Variants in DHX30 observed in about 807,000 individuals in gnomAD.
DHX30 encodes the protein DExH-box helicase 30.
In DHX30, 4 loss-of-function variants were observed where a neutral mutation model predicts 116.9. The observed-to-expected ratio is 0.03, with a 90% CI of 0.02 to 0.08. The LOEUF is 0.08. Among genes scored for constraint, DHX30 ranks in the 10% least tolerant of loss-of-function variants. DHX30 has a pLI of 1.00. For missense variants in DHX30, 871 were observed against 1,595.1 expected (o/e 0.55, Z 7.73); for synonymous variants, 697 against 651.7 (o/e 1.07, Z -1.06).
In DHX30 at chr3:47,847,645, G is replaced by A; in HGVS notation, c.2110+109G>A. 2.7e-6 allele frequency: 4 copies of A among 1,456,738 alleles called. No individual in the cohort carries two copies. The highest frequency in any genetic ancestry group is 3.7e-6 in the Non-Finnish European group (4 of 1,085,876). The allele number at this position is 1,456,738 out of a possible 1,614,324, so 90.2% of individuals were successfully genotyped here. A position where few individuals can be genotyped will look rare whatever the true frequency, so the allele number is the denominator to read the frequency against. ...GGGCCCCGGTTTCTGACCAAGCTGT[G>A]GCACTTTTCACTGGGCATAGTGTTT... On this transcript the variant is annotated intron_variant, in intron 13 of 21. Transcript: ENST00000445061. This position sits in a 1 kb window ranked among gnomAD's most constrained non-coding sequence, Gnocchi z 5.5.
chr3:47,845,297 C>T (rs1223952230), intron 9 of DHX30, among the ~76,000 whole-genome samples: 2 of 152,132 alleles, frequency 1.3e-5, no homozygotes, highest in African/African-American at 2.4e-5. Context: ...AGGCGATTCT[C>T]GTGCCTCAGC....
intron 5 of DHX30, 34 bp downstream of exon 5, chr3:47,827,511 A>G (rs1431251884): frequency 1.9e-6 from 3 of 1,597,962 alleles, no homozygotes; most frequent in Non-Finnish European, 1.7e-6. Context: ...AAACATTGGT[A>G]TGACTCAGAA....
Position 47,829,050 on chromosome 3 carries a change from C to T in DHX30, c.282C>T (p.Pro94=), listed in dbSNP as rs777031954. 1 of 1,610,034 alleles carries T rather than the reference C, an allele frequency of 6.2e-7. No homozygotes were observed. The highest frequency in any genetic ancestry group is 1.3e-5 in the African/African-American group (1 of 74,628). Residue 94 remains proline, a synonymous_variant, in exon 6 of 22, where the codon CCC becomes CCT. Coordinates refer to ENST00000445061, the MANE Select transcript of DHX30 (RefSeq NM_138615.3). The stretch of plus-strand genomic sequence containing the variant: ...AAGTCACACTGCACATAAAATGGCC[C>T]AAGAGCGTGGAGGTAGAAGGCTATG... ...KKKVTLHIKW[P]KSVEVEGYGS...
intron 3 of DHX30, among the ~76,000 whole-genome samples, chr3:47,813,968 ATT>A (rs904947745): frequency 7.7e-6 from 1 of 129,344 alleles, no homozygotes. Flanking sequence ...TGGGCAGCAC[ATT>A]TTTTTTTTTT....
At chr3:47,817,913 A>G (rs1389569020) in intron 3 of DHX30, 109 bp from the exon 4 acceptor site, 7 of 776,048 alleles carry the variant, frequency 9.0e-6, no homozygotes, top group Non-Finnish European at 1.4e-5. Context: ...ACTGTCCAGC[A>G]GCCCTGTTGC....
chr3:47,824,778 C>T, intron 4 of DHX30: 1 of 390,480 alleles, frequency 2.6e-6, no homozygotes, highest in East Asian at 4.0e-5. Context: ...CTCATTCCAT[C>T]TTCCTGCCTT....
At chr3:47,805,783 A>G (rs967070974) in intron 2 of DHX30, among the ~76,000 whole-genome samples, 14 of 152,068 alleles carry the variant, frequency 9.2e-5, no homozygotes, top group African/African-American at 3.1e-4. Flanking sequence ...TCAGGTGATC[A>G]GCCTGCCTCA....
chr3:47,848,254 G>A lies in DHX30; in HGVS notation c.2361G>A (p.Gln787=). ...IQRRGRAGRC[Q]SGFAYHLFPR... is the part of the protein sequence containing the mutation. ...GCCGGGGCCGGGCGGGCCGCTGCCA[G>A]TCCGGCTTTGCCTACCACTTGTTCC... is the stretch of plus-strand genomic sequence containing the variant. The change falls in exon 15 of 22, where the codon CAG becomes CAA. Residue 787 remains glutamine (Q), a synonymous_variant. Coordinates refer to ENST00000445061, the MANE Select transcript of DHX30 (RefSeq NM_138615.3). The surrounding 1 kb of genome is among the most constrained non-coding windows in gnomAD (Gnocchi z 9.4). The A allele has an allele frequency of 1.2e-6, 2 of 1,613,628 alleles. No homozygotes were observed. Among genetic ancestry groups the A allele is most frequent in the Non-Finnish European group, 1.7e-6 (2 of 1,179,968 alleles).
At chr3:47,831,757 C>T (rs1389962251) in intron 6 of DHX30, among the ~76,000 whole-genome samples, 2 of 151,118 alleles carry the variant, frequency 1.3e-5, no homozygotes, top group Non-Finnish European at 2.9e-5. Flanking sequence ...GCCATCCTCC[C>T]GCCTCAGCCT....
chr3:47,808,629 G>A (rs917391324), intron 2 of DHX30, among the ~76,000 whole-genome samples: 5 of 151,418 alleles, frequency 3.3e-5, no homozygotes, highest in African/African-American at 1.2e-4. Flanking sequence ...AGGCTGGAGT[G>A]CAGAGGTGTG....
chr3:47,830,297 A>T (rs915472489), intron 6 of DHX30, among the ~76,000 whole-genome samples: 1 of 151,154 alleles, frequency 6.6e-6, no homozygotes, highest in African/African-American at 2.4e-5. Flanking sequence ...AAAATACAAA[A>T]ATTAGGTGGG....
chr3:47,823,357 G>GTTTTTTTTT (rs556494505), intron 4 of DHX30, among the ~76,000 whole-genome samples: 1 of 128,032 alleles, frequency 7.8e-6, no homozygotes, highest in Admixed American at 7.9e-5. Flanking sequence ...CCTGGTTGTT[G>GTTTTTTTTT]TTTTTTTTTT....
rs10683438 is a variant in DHX30 at position 47,829,314 on chromosome 3, A to ATTT, written c.366+194_366+196dup. 7.4e-3 allele frequency among the ~76,000 whole-genome samples: 252 copies of ATTT among 34,182 alleles called. 14 individuals are homozygous for ATTT. Among genetic ancestry groups the ATTT allele is most frequent in the South Asian group, 0.036 (21 of 588 alleles). The allele number at this position is 34,182 out of a possible 152,430, so 22.4% of individuals were successfully genotyped here. A position where few individuals can be genotyped will look rare whatever the true frequency, so the allele number is the denominator to read the frequency against. ...TATATATATATATATATATATATAT[A>ATTT]TTTTTTTTTTTTTTTTCCTGTGTTT... On this transcript the variant is annotated intron_variant, in intron 6 of 21. Transcript: ENST00000445061.
intron 2 of DHX30, among the ~76,000 whole-genome samples, chr3:47,808,551 C>CT (rs1014690519): frequency 4.3e-4 from 62 of 143,252 alleles, no homozygotes; most frequent in Middle Eastern, 3.7e-3. Flanking sequence ...AGTATTGTTT[C>CT]TTTTTTTTTT....
chr3:47,819,217 T>C (rs1251968498), intron 4 of DHX30: 13 of 1,367,608 alleles, frequency 9.5e-6, no homozygotes, highest in Non-Finnish European at 1.3e-5. Context: ...TTTCTTAAAA[T>C]GCCCTGTAAC....
intron 3 of DHX30, chr3:47,815,881 C>G (rs2036030253): frequency 3.1e-6 from 3 of 970,056 alleles, no homozygotes; most frequent in Non-Finnish European, 3.7e-6. Flanking sequence ...TGTAACAACT[C>G]TCTCCCAATT....
chr3:47,821,311 G>C (rs568137496), intron 4 of DHX30, among the ~76,000 whole-genome samples: 10 of 151,684 alleles, frequency 6.6e-5, no homozygotes, highest in African/African-American at 2.4e-4. Context: ...TGTTGCCCAG[G>C]TGGGAGTGCA....
At chr3:47,814,260 A>C (rs1056230549) in intron 3 of DHX30, among the ~76,000 whole-genome samples, 2 of 150,234 alleles carry the variant, frequency 1.3e-5, no homozygotes, top group African/African-American at 4.9e-5. Flanking sequence ...CCCCGTCTCT[A>C]CTAAAAAAAA....
At chr3:47,840,763 CAG>C (rs1395378058) in intron 6 of DHX30, 112 bp from the exon 7 acceptor site, 20 of 1,348,848 alleles carry the variant, frequency 1.5e-5, no homozygotes, top group Non-Finnish European at 1.9e-5. Context: ...AGTGGGTAAA[CAG>C]ATGAAAAACC....
Sources: gnomAD v4.1 joint callset for allele counts (sites outside exome capture counted in the v4.1 genomes callset) on GRCh38, gnomAD v4.1.1 for gene constraint, Gnocchi (gnomAD v3.1) non-coding constraint, MANE v1.5 for transcripts, NCBI Gene and HGNC (gene_info 2026-07-23, HGNC 2026-07-21) for gene names.